Variants in SPEN observed in about 807,000 individuals in gnomAD.
SPEN encodes spen family transcriptional repressor, also known as msx2-interacting protein.
SPEN carries 18 observed loss-of-function variants against 269.9 expected under a neutral mutation model. The ratio of observed to expected loss-of-function variants is 0.07; its 90% CI spans 0.05 to 0.10. The LOEUF (loss-of-function observed/expected upper bound fraction) is 0.10. Among genes scored for constraint, SPEN ranks in the 10% least tolerant of loss-of-function variants. SPEN has a pLI of 1.00. For missense variants in SPEN, 3,822 were observed against 4,631.2 expected, an observed-to-expected ratio of 0.83 and a Z score of 5.07; for synonymous variants, 1,726 against 1,765.7, an observed-to-expected ratio of 0.98 and a Z score of 0.56.
At chr1:15,876,102 TGCAAAG>T in intron 2 of SPEN, 94 bp from the exon 3 acceptor site, 3 of 892,690 alleles carry the variant, frequency 3.4e-6, no homozygotes, top group Non-Finnish European at 3.5e-6. Flanking sequence ...AATGACCAGT[TGCAAAG>T]ACAAAGACAA....
At chr1:15,922,378 T>G in intron 10 of SPEN, 29 bp downstream of exon 10, 1 of 1,496,662 alleles carries the variant, frequency 6.7e-7, no homozygotes, top group Non-Finnish European at 9.1e-7. Context: ...CCAGTGTAGC[T>G]TGAGTTTTAA....
In SPEN at chr1:15,931,603, A is replaced by G; in HGVS notation, c.5363A>G (p.Asn1788Ser). Residue 1788 changes from asparagine to serine, a missense_variant, in exon 11 of 15, where the codon AAC becomes AGC. By Grantham distance (46) the Asn-to-Ser change is conservative. Transcript: ENST00000375759. The surrounding 1 kb of genome is among the most constrained non-coding windows in gnomAD (Gnocchi z 4.8). ...ACTGCAGATGCTGAGCCTGATGCAA[A>G]CCAGAAAGCCGAAGCTGCTCCTGAG... is the stretch of plus-strand genomic sequence containing the variant. ...DATADAEPDANQKAEAAPESQ... is the reference protein window; with the variant it reads ...DATADAEPDASQKAEAAPESQ... 6.2e-7 allele frequency: 1 copy of G among 1,614,076 alleles called. No homozygotes were observed.
At chr1:15,885,690 A>G (rs1388769010) in intron 3 of SPEN, among the ~76,000 whole-genome samples, 1 of 152,232 alleles carries the variant, frequency 6.6e-6, no homozygotes, top group Non-Finnish European at 1.5e-5. Flanking sequence ...TCTCTTAAAT[A>G]CTTTACAAAA....
At chr1:15,901,820 A>G (rs1570026530) in intron 3 of SPEN, among the ~76,000 whole-genome samples, 1 of 151,990 alleles carries the variant, frequency 6.6e-6, no homozygotes, top group African/African-American at 2.4e-5. Context: ...TATTGTGGAC[A>G]GTATCTATTG....
At chr1:15,922,184 C>A in intron 9 of SPEN, 65 bp from the exon 10 acceptor site, 1 of 1,231,086 alleles carries the variant, frequency 8.1e-7, no homozygotes, top group Non-Finnish European at 1.2e-6. Flanking sequence ...ATTTACAAAT[C>A]TGATAACATT....
chr1:15,848,405 G>A lies in SPEN; in HGVS notation c.83+255G>A, dbSNP rs2070298064. ...GGCGGCCGCGTCCGTGACGAGGGAGGTGACCGAGGCTCGGCCTCCACGCAG... is the reference window on the plus strand; with the variant it reads ...GGCGGCCGCGTCCGTGACGAGGGAGATGACCGAGGCTCGGCCTCCACGCAG... On this transcript the variant is annotated intron_variant, in intron 1 of 14. Coordinates refer to ENST00000375759, the MANE Select transcript of SPEN (RefSeq NM_015001.3). The surrounding 1 kb of genome is among the most constrained non-coding windows in gnomAD (Gnocchi z 5.1). Among the ~76,000 whole-genome samples the A allele has an allele frequency of 6.6e-6, 1 of 151,422 alleles. No homozygotes were observed. Among genetic ancestry groups the A allele is most frequent in the African/African-American group, 2.4e-5 (1 of 41,344 alleles).
At chr1:15,921,693 A>C (rs971660691) in intron 9 of SPEN, among the ~76,000 whole-genome samples, 1 of 152,172 alleles carries the variant, frequency 6.6e-6, no homozygotes, top group Non-Finnish European at 1.5e-5. Flanking sequence ...TAGCCACTTA[A>C]AGCATAACTT....
intron 3 of SPEN, among the ~76,000 whole-genome samples, chr1:15,880,695 G>C (rs961557483): frequency 2.0e-5 from 3 of 151,950 alleles, no homozygotes; most frequent in Non-Finnish European, 2.9e-5. Flanking sequence ...GACCTCAAGT[G>C]ATCCACCCAC....
chr1:15,927,012 C>T (rs146087454), intron 10 of SPEN, among the ~76,000 whole-genome samples: 7 of 152,274 alleles, frequency 4.6e-5, no homozygotes, highest in African/African-American at 1.2e-4. Flanking sequence ...GTTCTTTCAG[C>T]GAGCTACTAA....
In SPEN at chr1:15,848,483, C is replaced by T. The variant is rs1218793500; in HGVS notation, c.83+333C>T. Among the ~76,000 whole-genome samples the T allele has an allele frequency of 6.6e-6, 1 of 151,918 alleles. No homozygotes were observed. Among genetic ancestry groups the T allele is most frequent in the Non-Finnish European group, 1.5e-5 (1 of 67,956 alleles). On this transcript the variant is annotated intron_variant, in intron 1 of 14. Coordinates refer to ENST00000375759, the MANE Select transcript of SPEN (RefSeq NM_015001.3). This position sits in a 1 kb window ranked among gnomAD's most constrained non-coding sequence, Gnocchi z 5.1. ...AGCCCGGGAGTCGGTGGGAGATGCG[C>T]TGGGCGGCGGGGTCGCGTCCTTGCG...
intron 6 of SPEN, among the ~76,000 whole-genome samples, chr1:15,916,508 CTCT>C (rs2071068532): frequency 1.4e-5 from 2 of 140,790 alleles, no homozygotes; most frequent in East Asian, 4.0e-4. Flanking sequence ...ATTTTCTTAC[CTCT>C]TTTTTTTTTT....
intron 3 of SPEN, among the ~76,000 whole-genome samples, chr1:15,883,473 G>A (rs2148715034): frequency 6.6e-6 from 1 of 152,076 alleles, no homozygotes; most frequent in South Asian, 2.1e-4. Flanking sequence ...CCAGGCTAGA[G>A]TGCAGTGGTG....
At chr1:15,879,035 G>GAAAA (rs1276322892) in intron 3 of SPEN, among the ~76,000 whole-genome samples, 1 of 143,302 alleles carries the variant, frequency 7.0e-6, no homozygotes, top group Admixed American at 7.1e-5. Context: ...GAAAAGAAAA[G>GAAAA]AAAAAAAAGA....
In SPEN at chr1:15,876,210, A is replaced by T; in HGVS notation, c.413A>T (p.Asp138Val). The T allele has an allele frequency of 6.2e-7, 1 of 1,609,410 alleles. No individual in the cohort carries two copies. ...CCCCCTCCTAAATGCAGGGCTTCAG[A>T]TAACAGGGAGCGTGCTTATGAACAT... ...RYERRLDGAS[D>V]NRERAYEHSA... Residue 138 changes from aspartate (D) to valine (V), a missense_variant, in exon 3 of 15, where the codon GAT (aspartate) becomes GTT (valine). Physicochemically the swap from Asp to Val is radical, Grantham distance 152 (BLOSUM62 -3). Around this residue, in one of 16 missense-constraint regions of SPEN, gnomAD observed 327 missense variants for 350.8 expected, o/e 0.93. Coordinates refer to ENST00000375759, the MANE Select transcript of SPEN (RefSeq NM_015001.3).
rs1271298950 is a variant in SPEN at position 15,933,253 on chromosome 1, C to T, written c.7013C>T (p.Ser2338Leu). 1.9e-6 allele frequency: 3 copies of T among 1,614,158 alleles called. No individual in the cohort carries two copies. In the Middle Eastern group the frequency reaches 4.9e-4, roughly 266 times the overall value. ...KDKGRQKTTR[S>L]RRKRNTNKKV... is the part of the protein sequence containing the mutation. ...AAAGGGCGCCAGAAAACAACCCGAT[C>T]ACGCCGCAAGCGAAACACAAACAAG... The change falls in exon 11 of 15, where the codon TCA (serine) becomes TTA (leucine). Residue 2338 changes from serine to leucine, a missense_variant. Coordinates refer to ENST00000375759, the MANE Select transcript of SPEN (RefSeq NM_015001.3). The surrounding 1 kb of genome is among the most constrained non-coding windows in gnomAD (Gnocchi z 5.7).
At position 15,933,238 on chromosome 1, in the gene SPEN, A is replaced by C. The variant is rs1375755921; in HGVS notation, c.6998A>C (p.Gln2333Pro). The C allele has an allele frequency of 5.6e-6, 9 of 1,614,200 alleles. No individual in the cohort carries two copies. The highest frequency in any genetic ancestry group is 7.6e-6 in the Non-Finnish European group (9 of 1,180,034). ...CTTGTTCGGAAAGACAAAGGGCGCCAGAAAACAACCCGATCACGCCGCAAG... is the reference window on the plus strand; with the variant it reads ...CTTGTTCGGAAAGACAAAGGGCGCCCGAAAACAACCCGATCACGCCGCAAG... ...VTLVRKDKGR[Q>P]KTTRSRRKRN... Residue 2333 changes from glutamine to proline, a missense_variant, in exon 11 of 15, where the codon CAG becomes CCG. Physicochemically the swap from Gln to Pro is moderately conservative, Grantham distance 76. Coordinates refer to ENST00000375759, the MANE Select transcript of SPEN (RefSeq NM_015001.3). The surrounding 1 kb of genome is among the most constrained non-coding windows in gnomAD (Gnocchi z 5.7).
In SPEN at chr1:15,934,987, A is replaced by T; in HGVS notation, c.8747A>T (p.His2916Leu). 1 of 1,609,428 alleles carries T rather than the reference A, an allele frequency of 6.2e-7. No individual in the cohort carries two copies. Among genetic ancestry groups the T allele is most frequent in the Non-Finnish European group, 8.5e-7 (1 of 1,178,546 alleles). ...TCCTTGGAGAAGCCCGAGCCCATTCACCTCTCGGTGTCCACGCCTGTCACC... is the reference window on the plus strand; with the variant it reads ...TCCTTGGAGAAGCCCGAGCCCATTCTCCTCTCGGTGTCCACGCCTGTCACC... ...RPSLEKPEPI[H>L]LSVSTPVTQG... Residue 2916 changes from histidine (H) to leucine (L), a missense_variant, in exon 11 of 15, where the codon CAC becomes CTC. Physicochemically the swap from His to Leu is moderately conservative, Grantham distance 99. Around this residue, in one of 16 missense-constraint regions of SPEN, gnomAD observed 329 missense variants for 431.2 expected, o/e 0.76. Transcript: ENST00000375759. The surrounding 1 kb of genome is among the most constrained non-coding windows in gnomAD (Gnocchi z 9.2).
Position 15,932,427 on chromosome 1 carries a change from G to T in SPEN, c.6187G>T (p.Val2063Leu). Residue 2063 changes from valine to leucine, a missense_variant, in exon 11 of 15, where the codon GTA becomes TTA. By Grantham distance (32) the Val-to-Leu change is conservative. Around this residue, in one of 16 missense-constraint regions of SPEN, gnomAD observed 727 missense variants for 737.9 expected, o/e 0.99. Transcript: ENST00000375759. The surrounding 1 kb of genome is among the most constrained non-coding windows in gnomAD (Gnocchi z 4.2). ...NPPETAPVEV[V>L]EKKPAPEKNS... ...CCCTGAAACCGCCCCTGTTGAAGTT[G>T]TAGAGAAAAAACCGGCCCCTGAAAA... The T allele has an allele frequency of 6.2e-7, 1 of 1,613,936 alleles. No individual in the cohort carries two copies. Among genetic ancestry groups the T allele is most frequent in the African/African-American group, 1.3e-5 (1 of 74,974 alleles).
rs1200079252 is a variant in SPEN, at chr1:15,876,384, C to T, written c.587C>T (p.Ala196Val). ...AGTCGAAGTCCAAATCGCTTTGATGCTCATGACCCCCGATATGAACCTAGG... is the reference window on the plus strand; with the variant it reads ...AGTCGAAGTCCAAATCGCTTTGATGTTCATGACCCCCGATATGAACCTAGG... ...SRSRSPNRFD[A>V]HDPRYEPRAR... Residue 196 changes from alanine to valine, a missense_variant, in exon 3 of 15, where the codon GCT becomes GTT. Coordinates refer to ENST00000375759, the MANE Select transcript of SPEN (RefSeq NM_015001.3). 1.2e-6 allele frequency: 2 copies of T among 1,613,960 alleles called. No individual in the cohort carries two copies. The highest frequency in any genetic ancestry group is 3.3e-5 in the Admixed American group (2 of 59,982).
Sources: gnomAD v4.1 joint callset for allele counts (sites outside exome capture counted in the v4.1 genomes callset) on GRCh38, gnomAD v4.1.1 for gene constraint, gnomAD v4.1.1 regional missense constraint, Gnocchi (gnomAD v3.1) non-coding constraint, MANE v1.5 for transcripts, NCBI Gene and HGNC (gene_info 2026-07-23, HGNC 2026-07-21) for gene names.